RHOBTB3: variants seen among roughly 807,000 people sequenced by gnomAD.
The protein encoded by RHOBTB3 is rho-related BTB domain-containing protein 3.
RHOBTB3 carries 47 observed loss-of-function variants against 67.2 expected under a neutral mutation model. The observed-to-expected ratio is 0.70, with a 90% CI of 0.55 to 0.89. The LOEUF is 0.89. Ranked by LOEUF, RHOBTB3 falls within the 40% of genes least tolerant of loss-of-function variation. The probability of loss-of-function intolerance (pLI) is 0.00; values close to 1 mark genes in which losing one functional copy is unlikely to be tolerated. For synonymous variants in RHOBTB3, 273 were observed against 274.2 expected, an observed-to-expected ratio of 1.00 and a Z score of 0.04; for missense variants, 631 against 750.0, an observed-to-expected ratio of 0.84 and a Z score of 1.85.
intron 2 of RHOBTB3, among the ~76,000 whole-genome samples, chr5:95,735,718 C>T (rs767627157): frequency 2.0e-5 from 3 of 152,142 alleles, no homozygotes; most frequent in African/African-American, 2.4e-5. Flanking sequence ...AAGAAAACTA[C>T]TTGTACATTA....
At chr5:95,752,594 A>G (rs1414699625) in intron 5 of RHOBTB3, among the ~76,000 whole-genome samples, 1 of 152,186 alleles carries the variant, frequency 6.6e-6, no homozygotes, top group Admixed American at 6.5e-5. Flanking sequence ...TATAGATCCT[A>G]TGTGTCCTAG....
chr5:95,793,254 G>T lies in RHOBTB3; in HGVS notation c.*80G>T. ...CTCCAGGTTCCAGTAAAATTCTTCT[G>T]ACCGAAACCAATGTGGGTGTTAGAA... On this transcript the variant is annotated 3_prime_UTR_variant, in exon 12 of 12. Coordinates refer to ENST00000379982, the MANE Select transcript of RHOBTB3 (RefSeq NM_014899.4). The T allele has an allele frequency of 2.2e-6, 2 of 899,586 alleles. No individual in the cohort carries two copies. The highest frequency in any genetic ancestry group is 3.4e-5 in the South Asian group (2 of 59,036). The allele number at this position is 899,586 out of a possible 1,614,324, so 55.7% of individuals were successfully genotyped here. A position where few individuals can be genotyped will look rare whatever the true frequency, so the allele number is the denominator to read the frequency against.
intron 2 of RHOBTB3, among the ~76,000 whole-genome samples, chr5:95,734,242 T>G (rs1186746689): frequency 2.0e-5 from 3 of 152,134 alleles, no homozygotes; most frequent in African/African-American, 7.2e-5. Context: ...ACTTCATACA[T>G]GCAGCCCCAC....
At chr5:95,758,545 T>C (rs972663924) in intron 6 of RHOBTB3, among the ~76,000 whole-genome samples, 1 of 152,210 alleles carries the variant, frequency 6.6e-6, no homozygotes, top group African/African-American at 2.4e-5. Flanking sequence ...ATGATCAGAC[T>C]GGGCTTTAGA....
At chr5:95,747,806 CT>C (rs751927603) in intron 3 of RHOBTB3, among the ~76,000 whole-genome samples, 3 of 152,168 alleles carry the variant, frequency 2.0e-5, no homozygotes, top group Non-Finnish European at 4.4e-5. Context: ...TAGGAATGTA[CT>C]TCCTATGAAG....
chr5:95,725,457 G>A (rs1755026185), intron 1 of RHOBTB3, among the ~76,000 whole-genome samples: 1 of 152,238 alleles, frequency 6.6e-6, no homozygotes, highest in Non-Finnish European at 1.5e-5. Flanking sequence ...GAAGAGGGCT[G>A]TAGCTGAAGA....
chr5:95,722,203 G>GA (rs1432012088), intron 1 of RHOBTB3, among the ~76,000 whole-genome samples: 7 of 152,130 alleles, frequency 4.6e-5, no homozygotes, highest in African/African-American at 1.7e-4. Flanking sequence ...AACACAGCAA[G>GA]CAAAGGGAGT....
chr5:95,735,618 A>G (rs1755436415), intron 2 of RHOBTB3, among the ~76,000 whole-genome samples: 1 of 152,140 alleles, frequency 6.6e-6, no homozygotes, highest in Non-Finnish European at 1.5e-5. Context: ...AGACCTAGCT[A>G]TTTTCTTAAT....
chr5:95,760,888 A>C (rs79144091), intron 6 of RHOBTB3, among the ~76,000 whole-genome samples: 5,758 of 152,328 alleles, frequency 0.038, 165 homozygotes, highest in Middle Eastern at 0.078. Context: ...CAGCCTTAGG[A>C]TTACTGGTTT....
At chr5:95,750,974 G>C (rs909252871) in intron 4 of RHOBTB3, among the ~76,000 whole-genome samples, 3 of 152,220 alleles carry the variant, frequency 2.0e-5, no homozygotes, top group African/African-American at 7.2e-5. Context: ...TGATGTATTT[G>C]TCAAAACAGA....
At chr5:95,744,431 C>G (rs1755693061) in intron 3 of RHOBTB3, among the ~76,000 whole-genome samples, 1 of 151,992 alleles carries the variant, frequency 6.6e-6, no homozygotes, top group Non-Finnish European at 1.5e-5. Flanking sequence ...GCAGTCATGT[C>G]TATCTTCTCT....
chr5:95,775,401 T>C, intron 8 of RHOBTB3, among the ~76,000 whole-genome samples: 1 of 146,696 alleles, frequency 6.8e-6, no homozygotes, highest in Non-Finnish European at 1.5e-5. Flanking sequence ...TGTATATATA[T>C]ATGTGTATAT....
intron 8 of RHOBTB3, among the ~76,000 whole-genome samples, chr5:95,773,683 A>G (rs932014579): frequency 6.6e-6 from 1 of 152,240 alleles, no homozygotes; most frequent in East Asian, 1.9e-4. Flanking sequence ...TTCTTCTTGC[A>G]CTACTTGCAG....
chr5:95,781,346 C>G (rs1424840900), intron 9 of RHOBTB3: 1 of 152,242 alleles, frequency 6.6e-6, no homozygotes, highest in African/African-American at 2.4e-5. Flanking sequence ...CAAGCCAGAC[C>G]TCTCTTCAGA....
chr5:95,769,947 T>C (rs1745659485), intron 8 of RHOBTB3: 4 of 421,834 alleles, frequency 9.5e-6, no homozygotes, highest in Admixed American at 2.6e-5. Flanking sequence ...AGCTCCAGGT[T>C]TGTTGACAAT....
At chr5:95,725,811 T>C (rs1755037584) in intron 1 of RHOBTB3, among the ~76,000 whole-genome samples, 3 of 151,366 alleles carry the variant, frequency 2.0e-5, no homozygotes, top group Non-Finnish European at 4.4e-5. Context: ...AATTCTTCTT[T>C]TTTTTTTTTT....
intron 6 of RHOBTB3, among the ~76,000 whole-genome samples, chr5:95,761,005 G>C (rs983203450): frequency 6.6e-6 from 1 of 152,156 alleles, no homozygotes; most frequent in Non-Finnish European, 1.5e-5. Flanking sequence ...CATTTTCAGT[G>C]AGTGATTCTT....
chr5:95,788,801 TTCATTGCTACTAACTACCTCA>T lies in RHOBTB3; in HGVS notation c.1666_1686del (p.Ile556_Ile562del). 1.3e-6 allele frequency: 2 copies of T among 1,587,612 alleles called. No individual in the cohort carries two copies. On this transcript the variant is annotated inframe_deletion, in exon 11 of 12. Transcript: ENST00000379982. ...TTGCCTTTCAACCTGGCTACTTCAT[TTCATTGCTACTAACTACCTCA>T]TCTTCAGTCAAAAGCCTGAATTTCA... is the stretch of plus-strand genomic sequence containing the variant.
At chr5:95,767,332 AT>A (rs1418204169) in intron 7 of RHOBTB3, among the ~76,000 whole-genome samples, 4 of 130,558 alleles carry the variant, frequency 3.1e-5, no homozygotes, top group African/African-American at 1.1e-4. Flanking sequence ...GGAAAGTTGT[AT>A]TTTTCTTTCT....
Sources: allele counts gnomAD v4.1 joint callset (sites outside exome capture counted in the v4.1 genomes callset), GRCh38; gene constraint gnomAD v4.1.1; transcripts MANE v1.5; gene names NCBI Gene and HGNC (gene_info 2026-07-23, HGNC 2026-07-21).